Variants in ZNF268 observed in about 807,000 individuals in gnomAD.
The protein encoded by ZNF268 is zinc finger protein 268, also known as zinc finger protein 3.
A neutral mutation model predicts 29.3 loss-of-function variants in ZNF268; 20 were observed. That is an observed-to-expected ratio of 0.68 (90% CI 0.48 to 0.99). ZNF268 has a LOEUF of 0.99. Among genes scored for constraint, ZNF268 ranks in the 50% least tolerant of loss-of-function variants. The pLI, the probability that ZNF268 is intolerant of heterozygous loss-of-function variation, is 0.00. For missense variants in ZNF268, 1,240 were observed against 1,121.6 expected, an observed-to-expected ratio of 1.11 and a Z score of -1.51; for synonymous variants, 429 against 376.9, an observed-to-expected ratio of 1.14 and a Z score of -1.60.
rs1204260393 is a variant in ZNF268 at position 133,211,232 on chromosome 12, C to G, written c.*6702C>G. 3 of 354,740 alleles carry G rather than the reference C, an allele frequency of 8.5e-6. No homozygotes were observed. Among genetic ancestry groups the G allele is most frequent in the Non-Finnish European group, 1.7e-5 (3 of 181,768 alleles). The allele number at this position is 354,740 out of a possible 1,614,324, so 22.0% of individuals were successfully genotyped here. Reference sequence around the variant, plus strand: ...ATAAAAAAAAAACCCTAAAATTGAACAAGAAGACAACCCAATTAAAAATGG... The same window carrying G: ...ATAAAAAAAAAACCCTAAAATTGAAGAAGAAGACAACCCAATTAAAAATGG... On this transcript the variant is annotated 3_prime_UTR_variant, in exon 6 of 6. Coordinates refer to ENST00000536435, the MANE Select transcript of ZNF268 (RefSeq NM_003415.3).
rs1956938115 is a variant in ZNF268, at chr12:133,208,499, A to G, written c.*3969A>G. ...CGACAGAACAAGCCTCCATCTCAAA[A>G]AAAAGATCAGCCAGGTGTAGTGGCA... On this transcript the variant is annotated 3_prime_UTR_variant, in exon 6 of 6. Transcript: ENST00000536435. The G allele has an allele frequency of 6.6e-6, 1 of 152,212 alleles. No homozygotes were observed. The highest frequency in any genetic ancestry group is 1.5e-5 in the Non-Finnish European group (1 of 68,070). 9.4% of individuals were successfully genotyped at this position (152,212 alleles called of 1,614,324 possible).
At position 133,202,395 on chromosome 12, in the gene ZNF268, T is replaced by G; in HGVS notation, c.709T>G (p.Ser237Ala). 1 of 1,611,352 alleles carries G rather than the reference T, an allele frequency of 6.2e-7. No individual in the cohort carries two copies. The highest frequency in any genetic ancestry group is 8.5e-7 in the Non-Finnish European group (1 of 1,178,550). Reference sequence around the variant, plus strand: ...GGTACATGGAAAATCATTCTTCCATTCTAAACATGAGCAAACTGTTATTGG... The same window carrying G: ...GGTACATGGAAAATCATTCTTCCATGCTAAACATGAGCAAACTGTTATTGG... ...FQVHGKSFFH[S>A]KHEQTVIGIK... The change falls in exon 6 of 6, where the codon TCT (serine) becomes GCT (alanine). Residue 237 changes from serine to alanine, a missense_variant. Coordinates refer to ENST00000536435, the MANE Select transcript of ZNF268 (RefSeq NM_003415.3).
intron 5 of ZNF268, among the ~76,000 whole-genome samples, chr12:133,194,333 A>G (rs959912382): frequency 1.3e-5 from 2 of 152,178 alleles, no homozygotes; most frequent in African/African-American, 4.8e-5. Context: ...ACACATCACA[A>G]AAGGTCCTGA....
rs1956844184 is a variant in ZNF268 at position 133,204,297 on chromosome 12, A to G, written c.2611A>G (p.Lys871Glu). ...ACCATATGAATGCAGTGAGTGTGGA[A>G]AAGCCTTCATTAGGAATTCTCAACT... ...EKPYECSECG[K>E]AFIRNSQLIV... is the part of the protein sequence containing the mutation. Residue 871 changes from lysine (K) to glutamate (E), a missense_variant, in exon 6 of 6, where the codon AAA (lysine) becomes GAA (glutamate). Transcript: ENST00000536435. 6.4e-7 allele frequency: 1 copy of G among 1,556,970 alleles called. No individual in the cohort carries two copies. The highest frequency in any genetic ancestry group is 1.4e-5 in the African/African-American group (1 of 73,468).
chr12:133,186,208 A>G (rs1956310213), intron 2 of ZNF268, among the ~76,000 whole-genome samples: 1 of 152,002 alleles, frequency 6.6e-6, no homozygotes, highest in Non-Finnish European at 1.5e-5. Flanking sequence ...CTCTACATGC[A>G]TTTTCCTGGC....
In ZNF268 at chr12:133,187,862, G is replaced by C; in HGVS notation, c.34-10G>C. On this transcript the variant is annotated splice_polypyrimidine_tract_variant and intron_variant, in intron 2 of 5. Transcript: ENST00000536435. ...TGCTCGCTAAAGTAAATTTGCTCTT[G>C]AGTCCACAGGTCCCACCTCTCCAAG... 6.3e-7 allele frequency: 1 copy of C among 1,578,792 alleles called. No homozygotes were observed. Among genetic ancestry groups the C allele is most frequent in the Non-Finnish European group, 8.6e-7 (1 of 1,161,896 alleles).
Position 133,203,513 on chromosome 12 carries a change from G to C in ZNF268, c.1827G>C (p.Glu609Asp). Residue 609 changes from glutamate to aspartate, a missense_variant, in exon 6 of 6, where the codon GAG (glutamate) becomes GAC (aspartate). Physicochemically the swap from Glu to Asp is conservative, Grantham distance 45. Coordinates refer to ENST00000536435, the MANE Select transcript of ZNF268 (RefSeq NM_003415.3). ...TACACCAGAGAACTCATACAGGGGA[G>C]AAACCATTTGAATGTAGTGAGTGTC... ...LIIHQRTHTG[E>D]KPFECSECQK... 1 of 1,545,904 alleles carries C rather than the reference G, an allele frequency of 6.5e-7. No homozygotes were observed. Among genetic ancestry groups the C allele is most frequent in the Non-Finnish European group, 8.7e-7 (1 of 1,149,702 alleles).
chr12:133,202,599 G>A lies in ZNF268; in HGVS notation c.913G>A (p.Gly305Ser). The change falls in exon 6 of 6, where the codon GGT becomes AGT. Residue 305 changes from glycine (G) to serine (S), a missense_variant. By Grantham distance (56) the Gly-to-Ser change is moderately conservative. This residue lies in a region of ZNF268 where 1,177 missense variants were observed against 1,039.6 expected (regional missense o/e 1.13). Transcript: ENST00000536435. ...AACTCATGCCGAAGAGAAACCCTATGGTTGTAATGAATGTGGGAAAGACTT... is the reference window on the plus strand; with the variant it reads ...AACTCATGCCGAAGAGAAACCCTATAGTTGTAATGAATGTGGGAAAGACTT... ...QQTHAEEKPY[G>S]CNECGKDFSS... 2 of 1,606,126 alleles carry A rather than the reference G, an allele frequency of 1.2e-6. No homozygotes were observed. Among genetic ancestry groups the A allele is most frequent in the Non-Finnish European group, 1.7e-6 (2 of 1,175,810 alleles).
In ZNF268 at chr12:133,190,076, A is replaced by G. The variant is rs531271928; in HGVS notation, c.235-1413A>G. Among the ~76,000 whole-genome samples the G allele has an allele frequency of 1.8e-3, 267 of 152,260 alleles. 1 individual carries two copies. Among genetic ancestry groups the G allele is most frequent in the Non-Finnish European group, 2.2e-3 (151 of 68,006 alleles). On this transcript the variant is annotated intron_variant, in intron 3 of 5. Coordinates refer to ENST00000536435, the MANE Select transcript of ZNF268 (RefSeq NM_003415.3). The stretch of plus-strand genomic sequence containing the variant: ...GCCCGCCTCGGCCTCCCAAAGTGCT[A>G]GGGTTACAGGCGTGAGCCATGGCGC...
Position 133,188,055 on chromosome 12 carries a change from A to G in ZNF268, c.217A>G (p.Lys73Glu). Residue 73 changes from lysine (K) to glutamate (E), a missense_variant, in exon 3 of 6, where the codon AAA (lysine) becomes GAA (glutamate). Physicochemically the swap from Lys to Glu is moderately conservative, Grantham distance 56. Around this residue, in one of 3 missense-constraint regions of ZNF268, gnomAD observed 1,177 missense variants for 1,039.6 expected, o/e 1.13. Transcript: ENST00000536435. ...EWLFISQEQP[K>E]ITKSWGPLSF... is the part of the protein sequence containing the mutation. ...GCTGTTTATTTCCCAAGAGCAGCCAAAAATCACCAAGTCCTGGGTGAGCTT... is the reference window on the plus strand; with the variant it reads ...GCTGTTTATTTCCCAAGAGCAGCCAGAAATCACCAAGTCCTGGGTGAGCTT... The G allele has an allele frequency of 6.3e-7, 1 of 1,590,268 alleles. No homozygotes were observed. Among genetic ancestry groups the G allele is most frequent in the African/African-American group, 1.3e-5 (1 of 74,682 alleles).
chr12:133,182,089 A>G (rs1566360507), intron 2 of ZNF268, 59 bp downstream of exon 2: 6 of 1,496,500 alleles, frequency 4.0e-6, no homozygotes, highest in South Asian at 1.2e-5. Flanking sequence ...ACGTGTGCGC[A>G]CTCCATCTAC....
chr12:133,203,326 A>G lies in ZNF268; in HGVS notation c.1640A>G (p.Gln547Arg). Residue 547 changes from glutamine to arginine, a missense_variant, in exon 6 of 6, where the codon CAG becomes CGG. Coordinates refer to ENST00000536435, the MANE Select transcript of ZNF268 (RefSeq NM_003415.3). The stretch of plus-strand genomic sequence containing the variant: ...TTTAAATCACAGCTCATTATACATC[A>G]GAGGATTCATACAGGAGAGAACCCC... ...FSFKSQLIIH[Q>R]RIHTGENPYE... 1.3e-6 allele frequency: 2 copies of G among 1,545,252 alleles called. No individual in the cohort carries two copies. Among genetic ancestry groups the G allele is most frequent in the Non-Finnish European group, 1.7e-6 (2 of 1,149,740 alleles).
In ZNF268 at chr12:133,205,174, C is replaced by CA. The variant is rs1491216644; in HGVS notation, c.*644_*645insA. ...AAAAAAAAAAAAAAAAAAAAAAAAACCAACCTGTTATTATATCTTAATATT... is the reference window on the plus strand; with the variant it reads ...AAAAAAAAAAAAAAAAAAAAAAAAACACAACCTGTTATTATATCTTAATATT... On this transcript the variant is annotated 3_prime_UTR_variant, in exon 6 of 6. Transcript: ENST00000536435. 1 of 36,226 alleles carries CA rather than the reference C, an allele frequency of 2.8e-5. No homozygotes were observed. The highest frequency in any genetic ancestry group is 6.9e-5 in the Non-Finnish European group (1 of 14,576). The allele number at this position is 36,226 out of a possible 1,614,324, so 2.2% of individuals were successfully genotyped here. A position where few individuals can be genotyped will look rare whatever the true frequency, so the allele number is the denominator to read the frequency against.
chr12:133,209,518 G>A lies in ZNF268; in HGVS notation c.*4988G>A, dbSNP rs1566395554. ...ATTTTCAACATTGTTTCAACTACTT[G>A]TTAGAAACACAGGCCATTAAAACAT... On this transcript the variant is annotated 3_prime_UTR_variant, in exon 6 of 6. Coordinates refer to ENST00000536435, the MANE Select transcript of ZNF268 (RefSeq NM_003415.3). The A allele has an allele frequency of 6.6e-6, 1 of 152,114 alleles. No homozygotes were observed. The highest frequency in any genetic ancestry group is 1.5e-5 in the Non-Finnish European group (1 of 68,038). 9.4% of individuals were successfully genotyped at this position (152,114 alleles called of 1,614,324 possible).
Position 133,203,758 on chromosome 12 carries a change from C to T in ZNF268, c.2072C>T (p.Thr691Ile). ...CTCATTGTACATCAGAGAAGTCACA[C>T]AGGAGTAAAACCATATGGATGCAGT... ...SQLIVHQRSH[T>I]GVKPYGCSEC... Residue 691 changes from threonine to isoleucine, a missense_variant, in exon 6 of 6, where the codon ACA becomes ATA. Coordinates refer to ENST00000536435, the MANE Select transcript of ZNF268 (RefSeq NM_003415.3). 1 of 1,561,780 alleles carries T rather than the reference C, an allele frequency of 6.4e-7. No homozygotes were observed. The highest frequency in any genetic ancestry group is 1.4e-5 in the African/African-American group (1 of 73,802).
In ZNF268 at chr12:133,210,990, G is replaced by A. The variant is rs1271934073; in HGVS notation, c.*6460G>A. On this transcript the variant is annotated 3_prime_UTR_variant, in exon 6 of 6. Transcript: ENST00000536435. ...GTGAACCCCTGAAATTCAATCTTACGATTTTCCATGCCATAATTTTGGAAA... is the reference window on the plus strand; with the variant it reads ...GTGAACCCCTGAAATTCAATCTTACAATTTTCCATGCCATAATTTTGGAAA... The A allele has an allele frequency of 6.6e-6, 3 of 455,818 alleles. No individual in the cohort carries two copies. The highest frequency in any genetic ancestry group is 2.0e-5 in the African/African-American group (1 of 50,008). 28.2% of individuals were successfully genotyped at this position (455,818 alleles called of 1,614,324 possible). A position where few individuals can be genotyped will look rare whatever the true frequency, so the allele number is the denominator to read the frequency against.
intron 2 of ZNF268, 116 bp downstream of exon 2, chr12:133,182,146 G>T: frequency 1.0e-6 from 1 of 983,738 alleles, no homozygotes; most frequent in South Asian, 1.6e-5. Context: ...CGCTCTTTTA[G>T]GCAACTGGAT....
At chr12:133,192,880 C>T (rs1183315727) in intron 5 of ZNF268, among the ~76,000 whole-genome samples, 2 of 152,138 alleles carry the variant, frequency 1.3e-5, no homozygotes, top group African/African-American at 2.4e-5. Flanking sequence ...AGGATGGTCT[C>T]GATCTCCTGA....
Position 133,212,150 on chromosome 12 carries a change from G to A in ZNF268, c.*7620G>A, listed in dbSNP as rs1349791150. 1 of 152,106 alleles carries A rather than the reference G, an allele frequency of 6.6e-6. No individual in the cohort carries two copies. The highest frequency in any genetic ancestry group is 1.9e-4 in the East Asian group (1 of 5,200). 9.4% of individuals were successfully genotyped at this position (152,106 alleles called of 1,614,324 possible). A position where few individuals can be genotyped will look rare whatever the true frequency, so the allele number is the denominator to read the frequency against. On this transcript the variant is annotated 3_prime_UTR_variant, in exon 6 of 6. Coordinates refer to ENST00000536435, the MANE Select transcript of ZNF268 (RefSeq NM_003415.3). ...TATGATCCTATTTCTATGATGTTATGGAAAAGCAGAAACTACAGGGGTAGC... is the reference window on the plus strand; with the variant it reads ...TATGATCCTATTTCTATGATGTTATAGAAAAGCAGAAACTACAGGGGTAGC...
Sources: gnomAD v4.1 joint callset for allele counts (sites outside exome capture counted in the v4.1 genomes callset) on GRCh38, gnomAD v4.1.1 for gene constraint, gnomAD v4.1.1 regional missense constraint, MANE v1.5 for transcripts, NCBI Gene and HGNC (gene_info 2026-07-23, HGNC 2026-07-21) for gene names.